The following ZNF717 variants were observed in gnomAD, a reference collection of about 807,000 sequenced individuals.
ZNF717 encodes zinc finger protein 717.
In ZNF717, 9 loss-of-function variants were observed where a neutral mutation model predicts 13.8. That is an observed-to-expected ratio of 0.65 (90% confidence interval 0.39 to 1.14). The LOEUF (loss-of-function observed/expected upper bound fraction) is 1.14, where lower values mean the gene tolerates loss of function less well. Ranked by LOEUF, ZNF717 falls within the 50% of genes most tolerant of loss-of-function variation. The pLI, the probability that ZNF717 is intolerant of heterozygous loss-of-function variation, is 0.01. For missense variants in ZNF717, 1,040 were observed against 1,080.7 expected, an observed-to-expected ratio of 0.96 and a Z score of 0.53; for synonymous variants, 327 against 364.1, an observed-to-expected ratio of 0.90 and a Z score of 1.16.
intron 2 of ZNF717, among the ~76,000 whole-genome samples, chr3:75,783,042 C>T (rs138286534): frequency 0.036 from 5,545 of 152,340 alleles, 130 homozygotes; most frequent in South Asian, 0.063. Flanking sequence ...ATGCTCTCTT[C>T]GCGGGTTCCA....
At chr3:75,752,533 C>A (rs111498970) in intron 2 of ZNF717, among the ~76,000 whole-genome samples, 1 of 138,246 alleles carries the variant, frequency 7.2e-6, no homozygotes. Flanking sequence ...AACACTGCTA[C>A]GAGGGTCTGA....
intron 6 of ZNF717, among the ~76,000 whole-genome samples, chr3:75,702,608 TAA>T (rs1937718155): frequency 2.0e-5 from 3 of 152,298 alleles, no homozygotes; most frequent in African/African-American, 7.2e-5. Context: ...TTAAAAAAAC[TAA>T]AAGAGTATAA....
chr3:75,702,161 G>A (rs1253724830), intron 6 of ZNF717, among the ~76,000 whole-genome samples: 2 of 152,422 alleles, frequency 1.3e-5, no homozygotes, highest in East Asian at 3.9e-4. Context: ...AAGACATATT[G>A]GCACTCTCAT....
chr3:75,734,815 ATAT>A (rs1559584527), downstream of ZNF717, among the ~76,000 whole-genome samples: 1 of 43,240 alleles, frequency 2.3e-5, no homozygotes, highest in Non-Finnish European at 4.7e-5. Context: ...ATATATATAT[ATAT>A]TTTTTTTTTT....
intron 6 of ZNF717, among the ~76,000 whole-genome samples, chr3:75,694,972 GGAGT>G (rs1575755865): frequency 6.6e-6 from 1 of 152,052 alleles, no homozygotes; most frequent in African/African-American, 2.4e-5. Flanking sequence ...CAAAATGGCA[GGAGT>G]AAGTGCTTAT....
intron 2 of ZNF717, among the ~76,000 whole-genome samples, chr3:75,747,163 T>C (rs1241798956): frequency 2.6e-5 from 4 of 152,108 alleles, no homozygotes; most frequent in Admixed American, 1.3e-4. Context: ...AAAGATCAGA[T>C]AGTTGTAGAT....
At chr3:75,747,092 T>A in intron 2 of ZNF717, among the ~76,000 whole-genome samples, 1 of 152,144 alleles carries the variant, frequency 6.6e-6, no homozygotes, top group Non-Finnish European at 1.5e-5. Context: ...GGCTAGCCAG[T>A]TTTCCCACCA....
chr3:75,707,989 G>GGCCT (rs1471703639), downstream of ZNF717, among the ~76,000 whole-genome samples: 54,793 of 148,616 alleles, frequency 0.37, 6,971 homozygotes, highest in South Asian at 0.53. Flanking sequence ...AGCTCAAGGA[G>GGCCT]GCCTGCCTGC....
In ZNF717 at chr3:75,739,230, T is replaced by C; in HGVS notation, c.393A>G (p.Gly131=). 6.5e-7 allele frequency: 1 copy of C among 1,550,220 alleles called. No homozygotes were observed. Among genetic ancestry groups the C allele is most frequent in the South Asian group, 1.2e-5 (1 of 83,860 alleles). Residue 131 remains glycine, a synonymous_variant, in exon 5 of 5, where the codon GGA becomes GGG. Coordinates refer to ENST00000652011, the MANE Select transcript of ZNF717 (RefSeq NM_001290208.3). ...GGTTTGAGTTCAAATTAAATGTTTT[T>C]CCTAATTCAACTCTCTCCTGAGTTG... ...NTSTQERVEL[G]KTFNLNSNHV... is the part of the protein sequence containing the mutation.
At chr3:75,748,429 G>A (rs1489324812) in intron 2 of ZNF717, among the ~76,000 whole-genome samples, 73 of 152,014 alleles carry the variant, frequency 4.8e-4, no homozygotes, top group East Asian at 1.4e-3. Context: ...ACATCAATGC[G>A]AAAATCCTCA....
rs1224035514 is a variant in ZNF717, at chr3:75,767,689, G to C, written c.57+15617C>G. On this transcript the variant is annotated intron_variant, in intron 2 of 4. Transcript: ENST00000652011. ...ACAATACGGAAACTGAAAGGGCACT[G>C]CACCATCTCAGGGATCTGCCTAAGG... is the stretch of plus-strand genomic sequence containing the variant. 3.3e-5 allele frequency among the ~76,000 whole-genome samples: 5 copies of C among 152,194 alleles called. No individual in the cohort carries two copies. The East Asian group carries it at 9.6e-4, about 29-fold the overall frequency.
chr3:75,764,723 T>C (rs377470066), intron 2 of ZNF717, among the ~76,000 whole-genome samples: 1 of 152,124 alleles, frequency 6.6e-6, no homozygotes, highest in Non-Finnish European at 1.5e-5. Flanking sequence ...GAAACCACAA[T>C]GGGACATCAC....
downstream of ZNF717, among the ~76,000 whole-genome samples, chr3:75,725,769 C>A (rs1384428064): frequency 6.6e-6 from 1 of 152,178 alleles, no homozygotes; most frequent in Non-Finnish European, 1.5e-5. Context: ...ATCATAAGAA[C>A]AACACAGTCC....
intron 2 of ZNF717, among the ~76,000 whole-genome samples, chr3:75,765,334 G>A (rs1166846941): frequency 1.3e-5 from 2 of 151,988 alleles, no homozygotes; most frequent in Admixed American, 6.6e-5. Flanking sequence ...CTATAAAACT[G>A]TATACTTACA....
intron 2 of ZNF717, among the ~76,000 whole-genome samples, chr3:75,756,375 TG>T (rs1942475674): frequency 6.6e-6 from 1 of 152,196 alleles, no homozygotes; most frequent in African/African-American, 2.4e-5. Flanking sequence ...TGTGTTCAAG[TG>T]AAAGAAGAGT....
chr3:75,734,289 T>C (rs1938880329), downstream of ZNF717, among the ~76,000 whole-genome samples: 1 of 151,942 alleles, frequency 6.6e-6, no homozygotes, highest in Non-Finnish European at 1.5e-5. Flanking sequence ...CAGGCTGGTC[T>C]TGAATTCCTA....
chr3:75,699,075 C>T (rs1937636923), intron 6 of ZNF717, among the ~76,000 whole-genome samples: 1 of 152,304 alleles, frequency 6.6e-6, no homozygotes, highest in African/African-American at 2.4e-5. Flanking sequence ...GGGTTTCAGA[C>T]TTTCATGGGT....
downstream of ZNF717, among the ~76,000 whole-genome samples, chr3:75,726,681 A>T (rs1232264475): frequency 6.6e-6 from 1 of 152,260 alleles, no homozygotes; most frequent in African/African-American, 2.4e-5. Flanking sequence ...TTGATGAGAG[A>T]GATAGATGCA....
intron 4 of ZNF717, among the ~76,000 whole-genome samples, chr3:75,740,780 A>C (rs1940309095): frequency 6.6e-6 from 1 of 152,194 alleles, no homozygotes. Flanking sequence ...ACAGTGAACT[A>C]TAATCATGCC....
Sources: gnomAD v4.1 joint callset for allele counts (sites outside exome capture counted in the v4.1 genomes callset) on GRCh38, gnomAD v4.1.1 for gene constraint, MANE v1.5 for transcripts, NCBI Gene and HGNC (gene_info 2026-07-23, HGNC 2026-07-21) for gene names.